Variants in KLRC3 observed in about 807,000 individuals in gnomAD.
KLRC3 encodes the protein killer cell lectin like receptor C3.
Under a neutral mutation model 23.6 loss-of-function variants are expected in KLRC3, and 16 were observed. The ratio of observed to expected loss-of-function variants is 0.68; its 90% CI spans 0.46 to 1.03. The LOEUF (loss-of-function observed/expected upper bound fraction) is 1.03. KLRC3 is among the 50% of genes least tolerant of loss of function. The pLI, the probability that KLRC3 is intolerant of heterozygous loss-of-function variation, is 0.00. For missense variants in KLRC3, 209 were observed against 232.2 expected, an observed-to-expected ratio of 0.90 and a Z score of 0.65; for synonymous variants, 70 against 71.8, an observed-to-expected ratio of 0.98 and a Z score of 0.13.
intron 6 of KLRC3, among the ~76,000 whole-genome samples, chr12:10,415,088 A>T (rs1000206562): frequency 6.6e-6 from 1 of 152,218 alleles, no homozygotes; most frequent in African/African-American, 2.4e-5. Flanking sequence ...TATTGTATGG[A>T]AATGTCAAGA....
rs1863631855 is a variant in KLRC3 at position 10,415,733 on chromosome 12, A to T, written c.649T>A (p.Ser217Thr). 1 of 1,613,780 alleles carries T rather than the reference A, an allele frequency of 6.2e-7. No individual in the cohort carries two copies. Among genetic ancestry groups the T allele is most frequent in the Non-Finnish European group, 8.5e-7 (1 of 1,179,806 alleles). The change falls in exon 6 of 7, where the codon TCA (serine) becomes ACA (threonine). Residue 217 changes from serine to threonine, a missense_variant. Transcript: ENST00000396439. ...CAMLHVRGLI[S>T]DQCGSSRIIR... ...ATTCTTGAAGATCCACACTGGTCTGATATAAGTCCACGTACATGTAGCATT... is the reference window on the plus strand; with the variant it reads ...ATTCTTGAAGATCCACACTGGTCTGTTATAAGTCCACGTACATGTAGCATT...
At chr12:10,416,884 T>A (rs1863653174) in intron 4 of KLRC3, 117 bp from the exon 5 acceptor site, 1 of 848,120 alleles carries the variant, frequency 1.2e-6, no homozygotes, top group Non-Finnish European at 1.8e-6. Context: ...AATGTTTGAA[T>A]TTTTTATTTA....
In KLRC3 at chr12:10,412,579, T is replaced by C; in HGVS notation, c.716A>G (p.Asn239Ser). ...TGTGTTGATTTCTTGAGCTCAGGAG[T>C]TCAAGACCAGCCTGGTCAACATGAT... ...GFIMLTRLVL[N>S]S is the part of the protein sequence containing the mutation. The change falls in exon 7 of 7, where the codon AAC becomes AGC. Residue 239 changes from asparagine to serine, a missense_variant. Asn to Ser is a conservative substitution (Grantham distance 46). Around this residue, in one of 4 missense-constraint regions of KLRC3, gnomAD observed 74 missense variants for 51.0 expected, o/e 1.45. Coordinates refer to ENST00000396439, the MANE Select transcript of KLRC3 (RefSeq NM_002261.3). The C allele has an allele frequency of 1.4e-6, 1 of 700,490 alleles. No homozygotes were observed. The highest frequency in any genetic ancestry group is 2.6e-6 in the Non-Finnish European group (1 of 384,334). The allele number at this position is 700,490 out of a possible 1,614,324, so 43.4% of individuals were successfully genotyped here. A position where few individuals can be genotyped will look rare whatever the true frequency, so the allele number is the denominator to read the frequency against.
At chr12:10,417,832 T>A (rs921606905) in intron 4 of KLRC3, among the ~76,000 whole-genome samples, 7 of 152,230 alleles carry the variant, frequency 4.6e-5, no homozygotes, top group Admixed American at 3.9e-4. Flanking sequence ...TCCACAAATA[T>A]CAGATAGGAG....
In KLRC3 at chr12:10,412,501, C is replaced by A. The variant is rs543896547; in HGVS notation, c.*71G>T. Reference sequence around the variant, plus strand: ...AAACACAAGCTAAATGGTACATGAGCACTCAGGGGCGGTGGCTTGTGTCAG... The same window carrying A: ...AAACACAAGCTAAATGGTACATGAGAACTCAGGGGCGGTGGCTTGTGTCAG... On this transcript the variant is annotated 3_prime_UTR_variant, in exon 7 of 7. Coordinates refer to ENST00000396439, the MANE Select transcript of KLRC3 (RefSeq NM_002261.3). 2.9e-6 allele frequency: 2 copies of A among 700,350 alleles called. No individual in the cohort carries two copies. Among genetic ancestry groups the A allele is most frequent in the East Asian group, 5.4e-5 (2 of 36,992 alleles). The allele number at this position is 700,350 out of a possible 1,614,324, so 43.4% of individuals were successfully genotyped here.
In KLRC3 at chr12:10,418,329, A is replaced by C. The variant is rs746735335; in HGVS notation, c.486+15T>G. The C allele has an allele frequency of 3.8e-6, 6 of 1,586,250 alleles. No homozygotes were observed. The South Asian group carries it at 6.8e-5, about 18-fold the overall frequency. ...AGAAGCTTTTCATAAAATGTTTGAA[A>C]CATTTACATCTTACCATTTCTTCTT... On this transcript the variant is annotated intron_variant, in intron 4 of 6. Transcript: ENST00000396439.
At chr12:10,417,970 G>A (rs757439831) in intron 4 of KLRC3, among the ~76,000 whole-genome samples, 35 of 152,098 alleles carry the variant, frequency 2.3e-4, no homozygotes, top group Non-Finnish European at 4.6e-4. Flanking sequence ...TAAGTGATGA[G>A]GGCATACACA....
chr12:10,417,066 T>C (rs1863655268), intron 4 of KLRC3, among the ~76,000 whole-genome samples: 1 of 151,918 alleles, frequency 6.6e-6, no homozygotes, highest in Admixed American at 6.5e-5. Flanking sequence ...TGTGACTAAA[T>C]CAATCTATTT....
In KLRC3 at chr12:10,414,601, G is replaced by A. The variant is rs1469515915; in HGVS notation, c.678+1103C>T. On this transcript the variant is annotated intron_variant, in intron 6 of 6. Coordinates refer to ENST00000396439, the MANE Select transcript of KLRC3 (RefSeq NM_002261.3). Reference sequence around the variant, plus strand: ...CAGGCAGGGGAACATCACACACAGGGGACTGTTGTGGGGTGGGGGGAGGGG... The same window carrying A: ...CAGGCAGGGGAACATCACACACAGGAGACTGTTGTGGGGTGGGGGGAGGGG... 2.3e-5 allele frequency among the ~76,000 whole-genome samples: 3 copies of A among 130,504 alleles called. No homozygotes were observed. The East Asian group carries it at 7.3e-4, about 32-fold the overall frequency. 85.6% of individuals were successfully genotyped at this position (130,504 alleles called of 152,430 possible). A position where few individuals can be genotyped will look rare whatever the true frequency, so the allele number is the denominator to read the frequency against.
chr12:10,414,399 A>G (rs947423906), intron 6 of KLRC3, among the ~76,000 whole-genome samples: 1 of 152,076 alleles, frequency 6.6e-6, no homozygotes, highest in Non-Finnish European at 1.5e-5. Flanking sequence ...AAATATGAAT[A>G]ATATGTTGAA....
At chr12:10,418,547 T>A (rs1390826989) in intron 3 of KLRC3, 49 bp from the exon 4 acceptor site, 1 of 1,501,328 alleles carries the variant, frequency 6.7e-7, no homozygotes, top group African/African-American at 1.4e-5. Context: ...TTTTTAAAAA[T>A]GAAAATTAGT....
chr12:10,415,956 T>C (rs2682499), intron 5 of KLRC3, among the ~76,000 whole-genome samples, 162 bp from the exon 6 acceptor site: 2,116 of 152,292 alleles, frequency 0.014, 44 homozygotes, highest in African/African-American at 0.049. Flanking sequence ...CTCAATACAG[T>C]ACTCCCCCTT....
Position 10,416,712 on chromosome 12 carries a change from C to T in KLRC3, c.542G>A (p.Ser181Asn), listed in dbSNP as rs746426642. Residue 181 changes from serine (S) to asparagine (N), a missense_variant, in exon 5 of 7, where the codon AGT becomes AAT. Physicochemically the swap from Ser to Asn is conservative, Grantham distance 46. This residue lies in a region of KLRC3 where 17 missense variants were observed against 39.5 expected (regional missense o/e 0.43). Transcript: ENST00000396439. ...SSWIGVFRNS[S>N]HHPWVTINGL... ...ATTTATTGTCACCCATGGATGATGA[C>T]TGCTGTTACGAAACACACCAATCCA... 1.2e-6 allele frequency: 2 copies of T among 1,611,032 alleles called. No individual in the cohort carries two copies. The highest frequency in any genetic ancestry group is 1.1e-5 in the South Asian group (1 of 90,220).
chr12:10,415,174 G>A (rs1281622822), intron 6 of KLRC3, among the ~76,000 whole-genome samples: 1 of 151,984 alleles, frequency 6.6e-6, no homozygotes, highest in Non-Finnish European at 1.5e-5. Flanking sequence ...TTTTTGTTTT[G>A]GACAGCTTCA....
In KLRC3 at chr12:10,415,538, G is replaced by A. The variant is rs575731375; in HGVS notation, c.678+166C>T. 2.5e-4 allele frequency: 282 copies of A among 1,128,288 alleles called. 3 individuals are homozygous for A. In the South Asian group the frequency reaches 4.0e-3, roughly 16 times the overall value. 69.9% of individuals were successfully genotyped at this position (1,128,288 alleles called of 1,614,324 possible). ...GGTATCTGTACTTCCGTAATTGTGT[G>A]TATTATATTTCAATAATTGATTTGG... On this transcript the variant is annotated intron_variant, in intron 6 of 6. Coordinates refer to ENST00000396439, the MANE Select transcript of KLRC3 (RefSeq NM_002261.3).
chr12:10,417,320 A>T (rs1157044126), intron 4 of KLRC3, among the ~76,000 whole-genome samples: 1 of 151,968 alleles, frequency 6.6e-6, no homozygotes, highest in Non-Finnish European at 1.5e-5. Context: ...GGATTAATGA[A>T]AGACAAAAGT....
chr12:10,413,699 T>C (rs981221144), intron 6 of KLRC3, among the ~76,000 whole-genome samples: 1 of 152,214 alleles, frequency 6.6e-6, no homozygotes, highest in African/African-American at 2.4e-5. Flanking sequence ...TACATAGGCA[T>C]AGATGTGCCA....
At chr12:10,418,206 T>A in intron 4 of KLRC3, 138 bp downstream of exon 4, 1 of 867,020 alleles carries the variant, frequency 1.2e-6, no homozygotes, top group African/African-American at 1.7e-5. Flanking sequence ...AAAACATTAT[T>A]AAGTCAATCA....
At position 10,420,468 on chromosome 12, in the gene KLRC3, T is replaced by G. The variant is rs758886075; in HGVS notation, c.83A>C (p.Lys28Thr). 1 of 1,613,130 alleles carries G rather than the reference T, an allele frequency of 6.2e-7. No individual in the cohort carries two copies. Among genetic ancestry groups the G allele is most frequent in the Non-Finnish European group, 8.5e-7 (1 of 1,179,630 alleles). ...CTGTTCGGTTCCTGAAATGGAGCTT[T>G]TATTGCCTTTAGGTTTCCTTTGCTG... ...KWQQRKPKGNKSSISGTEQEI... is the reference protein window; with the variant it reads ...KWQQRKPKGNTSSISGTEQEI... The change falls in exon 1 of 7, where the codon AAA (lysine) becomes ACA (threonine). Residue 28 changes from lysine (K) to threonine (T), a missense_variant. Physicochemically the swap from Lys to Thr is moderately conservative, Grantham distance 78. Transcript: ENST00000396439.
Sources: allele counts gnomAD v4.1 joint callset (sites outside exome capture counted in the v4.1 genomes callset), GRCh38; gene constraint gnomAD v4.1.1; regional missense constraint gnomAD v4.1.1; transcripts MANE v1.5; gene names NCBI Gene and HGNC (gene_info 2026-07-23, HGNC 2026-07-21).